The following ATRNL1 variants were observed in gnomAD, a reference collection of about 807,000 sequenced individuals.
ATRNL1 encodes attractin-like protein 1.
In ATRNL1, 95 loss-of-function variants were observed where a neutral mutation model predicts 182.7. That is an observed-to-expected ratio of 0.52 (90% CI 0.44 to 0.62). The LOEUF is 0.62. Among genes scored for constraint, ATRNL1 ranks in the 20% least tolerant of loss-of-function variants. The pLI is 0.00. For missense variants in ATRNL1, 1,471 were observed against 1,679.5 expected, an observed-to-expected ratio of 0.88 and a Z score of 2.17; for synonymous variants, 576 against 568.3, an observed-to-expected ratio of 1.01 and a Z score of -0.19.
intron 20 of ATRNL1, among the ~76,000 whole-genome samples, chr10:115,407,338 G>A (rs958217136): frequency 2.0e-5 from 3 of 150,854 alleles, no homozygotes; most frequent in Admixed American, 1.3e-4. Flanking sequence ...CTCCTATCTA[G>A]TTGTAATGTA....
At chr10:115,602,615 A>G (rs11197331) in intron 26 of ATRNL1, among the ~76,000 whole-genome samples, 74,967 of 151,880 alleles carry the variant, frequency 0.49, 19,418 homozygotes, top group African/African-American at 0.6. Flanking sequence ...TGTAATCCAA[A>G]CACTTTGGGA....
intron 13 of ATRNL1, among the ~76,000 whole-genome samples, 177 bp downstream of exon 13, chr10:115,268,621 C>G (rs185416985): frequency 1.4e-4 from 22 of 152,146 alleles, no homozygotes; most frequent in African/African-American, 4.8e-4. Context: ...GTTTGTTGTT[C>G]AAATTTGTCA....
chr10:115,356,721 A>G (rs1284468724), intron 19 of ATRNL1, among the ~76,000 whole-genome samples: 1 of 151,846 alleles, frequency 6.6e-6, no homozygotes, highest in Non-Finnish European at 1.5e-5. Context: ...TTATTTGTAC[A>G]AAGTTTTATG....
At chr10:115,135,119 C>T (rs1435722776) in intron 5 of ATRNL1, among the ~76,000 whole-genome samples, 2 of 151,996 alleles carry the variant, frequency 1.3e-5, no homozygotes, top group Non-Finnish European at 2.9e-5. Context: ...CCTTTGAAAA[C>T]GGGCACAAGA....
At chr10:115,587,623 A>G (rs1855631976) in intron 26 of ATRNL1, among the ~76,000 whole-genome samples, 1 of 147,204 alleles carries the variant, frequency 6.8e-6, no homozygotes, top group South Asian at 2.2e-4. Flanking sequence ...CGGCTCGCGC[A>G]TGGTGCGTGC....
intron 24 of ATRNL1, among the ~76,000 whole-genome samples, chr10:115,492,148 A>G (rs149060766): frequency 1.7e-3 from 258 of 152,218 alleles, no homozygotes; most frequent in Admixed American, 3.3e-3. Context: ...TTCTGTGTCA[A>G]TCTCGCTGGG....
intron 27 of ATRNL1, among the ~76,000 whole-genome samples, chr10:115,806,775 AC>A (rs1949928674): frequency 6.6e-6 from 1 of 152,114 alleles, no homozygotes; most frequent in African/African-American, 2.4e-5. Flanking sequence ...AATTTACTTA[AC>A]CTGCTGTACC....
At chr10:115,109,665 G>A (rs1844176595) in intron 1 of ATRNL1, among the ~76,000 whole-genome samples, 1 of 152,116 alleles carries the variant, frequency 6.6e-6, no homozygotes, top group Admixed American at 6.5e-5. Flanking sequence ...TCATGTCAAG[G>A]ATGGCTGTTA....
chr10:115,624,468 TG>T (rs140518135), intron 26 of ATRNL1, among the ~76,000 whole-genome samples: 1,536 of 152,296 alleles, frequency 0.01, 19 homozygotes, highest in Non-Finnish European at 0.012. Flanking sequence ...ATAATTGTTT[TG>T]GAAAAACTAA....
chr10:115,249,499 T>A (rs2133838787), intron 10 of ATRNL1, among the ~76,000 whole-genome samples: 1 of 152,290 alleles, frequency 6.6e-6, no homozygotes, highest in East Asian at 1.9e-4. Context: ...TTTAATGTAA[T>A]TATCTATCCC....
intron 27 of ATRNL1, among the ~76,000 whole-genome samples, chr10:115,823,131 G>A (rs61413909): frequency 0.045 from 6,918 of 152,062 alleles, 549 homozygotes; most frequent in African/African-American, 0.15. Context: ...TTCAACATAC[G>A]CTAATCAATA....
chr10:115,623,159 A>G (rs1431609310), intron 26 of ATRNL1, among the ~76,000 whole-genome samples: 3 of 152,210 alleles, frequency 2.0e-5, no homozygotes, highest in Admixed American at 6.5e-5. Flanking sequence ...TTGATTTATA[A>G]GGTATATGGA....
At position 115,786,180 on chromosome 10, in the gene ATRNL1, C is replaced by T. The variant is rs183846088; in HGVS notation, c.3903+58825C>T. Among the ~76,000 whole-genome samples the T allele has an allele frequency of 3.9e-5, 6 of 152,262 alleles. No homozygotes were observed. In the East Asian group the frequency reaches 1.2e-3, roughly 29 times the overall value. ...TCATCAAGGCTTTTCCTATCATATG[C>T]TTCATAATTCTAGCCTCCACCCATT... On this transcript the variant is annotated intron_variant, in intron 27 of 28. Transcript: ENST00000355044.
chr10:115,746,917 T>C (rs962504545), intron 27 of ATRNL1, among the ~76,000 whole-genome samples: 4 of 152,098 alleles, frequency 2.6e-5, no homozygotes, highest in Non-Finnish European at 5.9e-5. Flanking sequence ...TGTGAGTATC[T>C]GTAGTTTATT....
intron 1 of ATRNL1, among the ~76,000 whole-genome samples, chr10:115,116,986 C>T (rs1391954531): frequency 1.3e-5 from 2 of 151,954 alleles, no homozygotes; most frequent in Admixed American, 1.3e-4. Flanking sequence ...AGTTCCTTCA[C>T]ATCACTTATA....
intron 19 of ATRNL1, among the ~76,000 whole-genome samples, chr10:115,371,372 A>G (rs1253475873): frequency 2.6e-5 from 4 of 152,150 alleles, no homozygotes; most frequent in African/African-American, 9.7e-5. Flanking sequence ...CAGACACTCA[A>G]TGCTGGCCTG....
intron 28 of ATRNL1, among the ~76,000 whole-genome samples, chr10:115,913,379 C>T (rs1308332198): frequency 6.6e-6 from 1 of 152,192 alleles, no homozygotes; most frequent in Non-Finnish European, 1.5e-5. Flanking sequence ...TGTCAAAGGA[C>T]TAGCTCTAGG....
intron 28 of ATRNL1, among the ~76,000 whole-genome samples, chr10:115,915,709 A>T (rs577807099): frequency 7.5e-4 from 114 of 152,304 alleles, no homozygotes; most frequent in African/African-American, 2.6e-3. Flanking sequence ...CCAGACTCCA[A>T]AGTATCAGGT....
At position 115,561,669 on chromosome 10, in the gene ATRNL1, CTG is replaced by C. The variant is rs375690170; in HGVS notation, c.3795+12152_3795+12153del. Among the ~76,000 whole-genome samples the C allele has an allele frequency of 4.4e-4, 62 of 141,554 alleles. 1 individual carries two copies. The South Asian group carries it at 0.01, about 24-fold the overall frequency. The allele number at this position is 141,554 out of a possible 152,430, so 92.9% of individuals were successfully genotyped here. Reference sequence around the variant, plus strand: ...CTCCTGCAGATACCGAGGGACAACTCTGTGTGTGTGTGTGTGTGTGGGTGTGT... The same window carrying C: ...CTCCTGCAGATACCGAGGGACAACTCTGTGTGTGTGTGTGTGTGGGTGTGT... On this transcript the variant is annotated intron_variant, in intron 26 of 28. Transcript: ENST00000355044.
Sources: allele counts gnomAD v4.1 joint callset (sites outside exome capture counted in the v4.1 genomes callset), GRCh38; gene constraint gnomAD v4.1.1; transcripts MANE v1.5; gene names NCBI Gene and HGNC (gene_info 2026-07-23, HGNC 2026-07-21).